The following EVA1A variants were observed in gnomAD, a reference collection of about 807,000 sequenced individuals.
EVA1A encodes protein eva-1 homolog A.
EVA1A carries 7 observed loss-of-function variants against 9.8 expected under a neutral mutation model. The ratio of observed to expected loss-of-function variants is 0.71; its 90% CI spans 0.41 to 1.34. EVA1A has a LOEUF of 1.34. Ranked by LOEUF, EVA1A falls within the 40% of genes most tolerant of loss-of-function variation. The probability of loss-of-function intolerance (pLI) is 0.01; values close to 1 mark genes in which losing one functional copy is unlikely to be tolerated. For missense variants in EVA1A, 206 were observed against 205.9 expected (o/e 1.00, Z 0.00); for synonymous variants, 90 against 85.6 (o/e 1.05, Z -0.28).
intron 1 of EVA1A, among the ~76,000 whole-genome samples, chr2:75,531,308 T>A (rs989386846): frequency 4.0e-4 from 61 of 152,208 alleles, no homozygotes; most frequent in African/African-American, 1.4e-3. Context: ...CTGGTGGGAA[T>A]GTAAACCAGT....
intron 3 of EVA1A, among the ~76,000 whole-genome samples, chr2:75,509,677 T>G (rs1674742433): frequency 6.6e-6 from 1 of 152,174 alleles, no homozygotes; most frequent in East Asian, 1.9e-4. Flanking sequence ...TACCATGTGC[T>G]CTGCGGATCT....
intron 3 of EVA1A, among the ~76,000 whole-genome samples, chr2:75,510,117 A>G (rs1460917505): frequency 6.6e-6 from 1 of 152,130 alleles, no homozygotes; most frequent in African/African-American, 2.4e-5. Flanking sequence ...TTTCCTTTGG[A>G]AGGAGAAGGA....
At chr2:75,546,907 C>T (rs1481571117) in intron 1 of EVA1A, among the ~76,000 whole-genome samples, 1 of 66,850 alleles carries the variant, frequency 1.5e-5, no homozygotes, top group South Asian at 5.6e-4. Flanking sequence ...ATCAATAGGC[C>T]AAAAAAAAAA....
At chr2:75,508,335 T>C (rs1436547019) in intron 3 of EVA1A, among the ~76,000 whole-genome samples, 1 of 152,150 alleles carries the variant, frequency 6.6e-6, no homozygotes, top group Non-Finnish European at 1.5e-5. Context: ...GGGAGAAATA[T>C]CGCTGAATTC....
chr2:75,505,763 G>A lies in EVA1A; in HGVS notation c.86-12154C>T, dbSNP rs538619746. Among the ~76,000 whole-genome samples, 16 of 151,948 alleles carry A rather than the reference G, an allele frequency of 1.1e-4. No homozygotes were observed. In the East Asian group the frequency reaches 2.7e-3, roughly 26 times the overall value. ...TGGAAGGCAGAGGTTGCAGTGAGCC[G>A]AGATCGTGCCAATGCACTCCAGCCT... On this transcript the variant is annotated intron_variant, in intron 3 of 3. Transcript: ENST00000393913.
intron 1 of EVA1A, among the ~76,000 whole-genome samples, chr2:75,544,111 T>C (rs1427555698): frequency 6.6e-6 from 1 of 152,162 alleles, no homozygotes; most frequent in Non-Finnish European, 1.5e-5. Flanking sequence ...GCCAAAACCA[T>C]GAATATGTTT....
chr2:75,559,697 T>TGGGGGGGGGGGGGGGGGG (rs36059976), intron 1 of EVA1A, among the ~76,000 whole-genome samples: 2 of 78,836 alleles, frequency 2.5e-5, no homozygotes, highest in African/African-American at 5.8e-5. Flanking sequence ...AGAAAGGAGG[T>TGGGGGGGGGGGGGGGGGG]GGGGGGGGGG....
intron 1 of EVA1A, among the ~76,000 whole-genome samples, chr2:75,555,301 A>ATCTCTCTCCCTCTCTC (rs1392383779): frequency 7.0e-5 from 4 of 57,154 alleles, no homozygotes; most frequent in African/African-American, 2.1e-4. Flanking sequence ...TCAAAACTCA[A>ATCTCTCTCCCTCTCTC]TCTCTCTCTC....
At chr2:75,562,007 C>T (rs747637600), upstream of EVA1A, among the ~76,000 whole-genome samples, 2 of 152,126 alleles carry the variant, frequency 1.3e-5, no homozygotes, top group Non-Finnish European at 2.9e-5. Context: ...AGCTGCTACT[C>T]CAAGTGTGGT....
intron 1 of EVA1A, among the ~76,000 whole-genome samples, chr2:75,525,145 T>C (rs1400383611): frequency 1.3e-5 from 2 of 152,290 alleles, no homozygotes; most frequent in South Asian, 4.1e-4. Flanking sequence ...TATATATGTA[T>C]GTGTACATGA....
At chr2:75,566,636 C>T (rs1367194753) in intron 1 of EVA1A, among the ~76,000 whole-genome samples, 1 of 152,130 alleles carries the variant, frequency 6.6e-6, no homozygotes, top group Non-Finnish European at 1.5e-5. Flanking sequence ...GAATTATTTC[C>T]TCACAGGCCC....
At chr2:75,567,200 A>C (rs1472027461) in intron 1 of EVA1A, among the ~76,000 whole-genome samples, 1 of 152,150 alleles carries the variant, frequency 6.6e-6, no homozygotes, top group Non-Finnish European at 1.5e-5. Flanking sequence ...AATACCATTG[A>C]CTCTCATTAT....
chr2:75,531,490 G>T (rs1045906434), intron 1 of EVA1A, among the ~76,000 whole-genome samples: 2 of 151,884 alleles, frequency 1.3e-5, no homozygotes, highest in Admixed American at 6.6e-5. Context: ...AAAAATATGG[G>T]ACCAGCTCAA....
At chr2:75,526,831 C>T (rs1675460045) in intron 1 of EVA1A, among the ~76,000 whole-genome samples, 2 of 152,196 alleles carry the variant, frequency 1.3e-5, no homozygotes, top group African/African-American at 4.8e-5. Context: ...ATAATATTAA[C>T]AGGAGAGTGA....
chr2:75,513,893 G>A (rs1048041968), intron 3 of EVA1A, among the ~76,000 whole-genome samples: 28 of 152,114 alleles, frequency 1.8e-4, no homozygotes, highest in African/African-American at 6.0e-4. Flanking sequence ...TATGTGTTTA[G>A]GCCACCAAGT....
At chr2:75,518,732 T>C (rs1675127153) in intron 2 of EVA1A, 3 of 986,820 alleles carry the variant, frequency 3.0e-6, no homozygotes, top group Admixed American at 6.1e-5. Context: ...TCACTGCGTT[T>C]TAACTACAAG....
rs149282871 is a variant in EVA1A at position 75,533,224 on chromosome 2, C to G, written c.-191-10737G>C. 1.6e-3 allele frequency among the ~76,000 whole-genome samples: 245 copies of G among 150,572 alleles called. 1 individual carries two copies. The highest frequency in any genetic ancestry group is 1.0e-3 in the Non-Finnish European group (68 of 67,514). ...CAAAGACAAAAACATTGAAAGCTGC[C>G]TGAGAAAAACGGCGTCCTAGCTATA... On this transcript the variant is annotated intron_variant, in intron 1 of 3. Coordinates refer to ENST00000393913, the MANE Select transcript of EVA1A (RefSeq NM_001135032.2).
At chr2:75,501,828 GGAT>G (rs1674435787) in intron 3 of EVA1A, among the ~76,000 whole-genome samples, 1 of 152,188 alleles carries the variant, frequency 6.6e-6, no homozygotes, top group Non-Finnish European at 1.5e-5. Context: ...CATTTTCTGA[GGAT>G]GATCCTTCAG....
chr2:75,555,387 G>A (rs1468567774), intron 1 of EVA1A, among the ~76,000 whole-genome samples: 2 of 140,354 alleles, frequency 1.4e-5, no homozygotes, highest in Non-Finnish European at 3.0e-5. Flanking sequence ...TCTAAGTCTG[G>A]AGAAATTTAG....
Sources: gnomAD v4.1 joint callset for allele counts (sites outside exome capture counted in the v4.1 genomes callset) on GRCh38, gnomAD v4.1.1 for gene constraint, MANE v1.5 for transcripts, NCBI Gene and HGNC (gene_info 2026-07-23, HGNC 2026-07-21) for gene names.